Variants in HORMAD2 observed in about 807,000 individuals in gnomAD.
HORMAD2 encodes HORMA domain-containing protein 2.
HORMAD2 carries 45 observed loss-of-function variants against 38.8 expected under a neutral mutation model. That is an observed-to-expected ratio of 1.16 (90% confidence interval 0.91 to 1.49). The LOEUF is 1.49. HORMAD2 is among the 40% of genes most tolerant of loss of function. The pLI, the probability that HORMAD2 is intolerant of heterozygous loss-of-function variation, is 0.00. For missense variants in HORMAD2, 338 were observed against 367.0 expected (o/e 0.92, Z 0.65); for synonymous variants, 126 against 122.8 (o/e 1.03, Z -0.17).
intron 5 of HORMAD2, among the ~76,000 whole-genome samples, chr22:30,110,162 G>A (rs985249955): frequency 6.6e-6 from 1 of 151,924 alleles, no homozygotes; most frequent in Admixed American, 6.6e-5. Flanking sequence ...ATCTAGAAAT[G>A]ATTTAAAATA....
the HORMAD2 span, chr22:30,206,883 C>T: frequency 4.1e-5 from 14 of 340,784 alleles, no homozygotes; most frequent in East Asian, 9.0e-4. Context: ...CTGCAACTGC[C>T]ACCACTTCCT....
intron 10 of HORMAD2, among the ~76,000 whole-genome samples, chr22:30,173,403 A>C (rs1362649837): frequency 6.6e-6 from 1 of 152,226 alleles, no homozygotes; most frequent in African/African-American, 2.4e-5. Flanking sequence ...ATGGGAATAG[A>C]GGACAATGGA....
At chr22:30,083,290 T>C (rs759627645) in intron 1 of HORMAD2, among the ~76,000 whole-genome samples, 6 of 152,164 alleles carry the variant, frequency 3.9e-5, no homozygotes, top group Non-Finnish European at 5.9e-5. Flanking sequence ...GGGAATGGTA[T>C]TGATGAACTG....
chr22:30,116,325 G>A (rs1922043536), intron 7 of HORMAD2, among the ~76,000 whole-genome samples: 1 of 152,164 alleles, frequency 6.6e-6, no homozygotes, highest in Non-Finnish European at 1.5e-5. Context: ...GTGGTGAGAA[G>A]CTAATGGGGG....
At chr22:30,129,842 T>C (rs1923154454) in intron 10 of HORMAD2, among the ~76,000 whole-genome samples, 3 of 152,122 alleles carry the variant, frequency 2.0e-5, no homozygotes, top group Admixed American at 2.0e-4. Flanking sequence ...AATCATATTT[T>C]GATTGGCAGT....
Position 30,121,753 on chromosome 22 carries a change from G to C in HORMAD2, c.532G>C (p.Val178Leu). The C allele has an allele frequency of 6.2e-7, 1 of 1,612,448 alleles. No individual in the cohort carries two copies. The highest frequency in any genetic ancestry group is 8.5e-7 in the Non-Finnish European group (1 of 1,179,172). The change falls in exon 9 of 11, where the codon GTT becomes CTT. Residue 178 changes from valine (V) to leucine (L), a missense_variant. Transcript: ENST00000336726. ...MQDLEPLPNNVVLTMKLHYYN... is the reference protein window; with the variant it reads ...MQDLEPLPNNLVLTMKLHYYN... Reference sequence around the variant, plus strand: ...GGACCTTGAGCCACTTCCTAATAATGTTGTACTTACTATGAAACTCCACTA... The same window carrying C: ...GGACCTTGAGCCACTTCCTAATAATCTTGTACTTACTATGAAACTCCACTA...
chr22:30,158,551 TCCCTC>T (rs139041372), intron 10 of HORMAD2, among the ~76,000 whole-genome samples: 10,125 of 107,400 alleles, frequency 0.094, 1,720 homozygotes, highest in African/African-American at 0.3. Flanking sequence ...CCTTCCTTCC[TCCCTC>T]CCCTCCCCTC....
chr22:30,166,222 A>G (rs1422425735), intron 10 of HORMAD2, among the ~76,000 whole-genome samples: 1 of 152,110 alleles, frequency 6.6e-6, no homozygotes, highest in Non-Finnish European at 1.5e-5. Flanking sequence ...AGGAAACATT[A>G]TTTCTAGTAT....
chr22:30,110,961 T>G (rs1039932065), intron 5 of HORMAD2, among the ~76,000 whole-genome samples: 2 of 150,354 alleles, frequency 1.3e-5, no homozygotes, highest in South Asian at 2.1e-4. Flanking sequence ...ATCGAGACCA[T>G]CCTGGCCAAC....
intron 10 of HORMAD2, among the ~76,000 whole-genome samples, chr22:30,124,859 G>A (rs1278006394): frequency 1.3e-5 from 2 of 152,160 alleles, no homozygotes; most frequent in Non-Finnish European, 2.9e-5. Flanking sequence ...GTTTTCCAAA[G>A]TGGTCGTACC....
At chr22:30,143,302 G>A (rs888299800) in intron 10 of HORMAD2, among the ~76,000 whole-genome samples, 5 of 152,148 alleles carry the variant, frequency 3.3e-5, no homozygotes, top group African/African-American at 1.2e-4. Context: ...GAATTATTGT[G>A]TGTGATAATT....
chr22:30,141,112 C>G (rs1193759395), intron 10 of HORMAD2, among the ~76,000 whole-genome samples: 6 of 152,056 alleles, frequency 3.9e-5, no homozygotes, highest in Admixed American at 3.9e-4. Context: ...ATTCTCCTGC[C>G]TTAGCCTCCT....
chr22:30,119,341 A>G (rs568299255), intron 8 of HORMAD2, among the ~76,000 whole-genome samples: 17 of 152,194 alleles, frequency 1.1e-4, no homozygotes, highest in Non-Finnish European at 1.8e-4. Context: ...CCATTAATTC[A>G]AAGTTTCTCA....
In HORMAD2 at chr22:30,111,799, C is replaced by T. The variant is rs867535386; in HGVS notation, c.298C>T (p.Arg100Cys). The T allele has an allele frequency of 8.3e-6, 13 of 1,563,988 alleles. No homozygotes were observed. The highest frequency in any genetic ancestry group is 3.6e-5 in the South Asian group (3 of 83,938). Residue 100 changes from arginine (R) to cysteine (C), a missense_variant, in exon 6 of 11, where the codon CGT (arginine) becomes TGT (cysteine). By Grantham distance (180) the Arg-to-Cys change is radical. Transcript: ENST00000336726. ...CFDALEKRYL[R>C]MAVLTLYTDP... ...TTTTTTTTTCTTTCTCTTGAAGCTA[C>T]GTATGGCAGTACTGACAGTAAGTAC...
intron 8 of HORMAD2, among the ~76,000 whole-genome samples, chr22:30,121,030 A>G (rs558182375): frequency 6.6e-6 from 1 of 152,352 alleles, no homozygotes; most frequent in Admixed American, 6.5e-5. Flanking sequence ...AGGTGACATG[A>G]ACAGATTTTC....
intron 10 of HORMAD2, among the ~76,000 whole-genome samples, chr22:30,129,356 A>G (rs373033972): frequency 6.6e-6 from 1 of 152,150 alleles, no homozygotes; most frequent in South Asian, 2.1e-4. Context: ...TGAAGAGATA[A>G]CACCTACATA....
chr22:30,162,357 T>C (rs1306209185), intron 10 of HORMAD2, among the ~76,000 whole-genome samples: 1 of 151,436 alleles, frequency 6.6e-6, no homozygotes, highest in African/African-American at 2.4e-5. Flanking sequence ...ACACGATATG[T>C]TGTTTAATAC....
At chr22:30,117,802 C>T (rs1358349907) in intron 7 of HORMAD2, among the ~76,000 whole-genome samples, 1 of 152,208 alleles carries the variant, frequency 6.6e-6, no homozygotes, top group Non-Finnish European at 1.5e-5. Context: ...GCGTGAGCCA[C>T]CATGCCCAGC....
chr22:30,092,345 C>CTTTTT (rs34673975), intron 1 of HORMAD2, among the ~76,000 whole-genome samples: 1 of 107,964 alleles, frequency 9.3e-6, no homozygotes, highest in Non-Finnish European at 1.9e-5. Flanking sequence ...AGATCCTTTG[C>CTTTTT]TTTTTTTTTT....
Sources: allele counts gnomAD v4.1 joint callset (sites outside exome capture counted in the v4.1 genomes callset), GRCh38; gene constraint gnomAD v4.1.1; transcripts MANE v1.5; gene names NCBI Gene and HGNC (gene_info 2026-07-23, HGNC 2026-07-21).